The following BRINP1 variants were observed in gnomAD, a reference collection of about 807,000 sequenced individuals.
The protein encoded by BRINP1 is BMP/retinoic acid-inducible neural-specific protein 1.
In BRINP1, 17 loss-of-function variants were observed where a neutral mutation model predicts 72.9. That is an observed-to-expected ratio of 0.23 (90% CI 0.16 to 0.35). BRINP1 has a LOEUF of 0.35. Among genes scored for constraint, BRINP1 ranks in the 10% least tolerant of loss-of-function variants. The pLI, the probability that BRINP1 is intolerant of heterozygous loss-of-function variation, is 1.00. For synonymous variants in BRINP1, 418 were observed against 378.5 expected, an observed-to-expected ratio of 1.10 and a Z score of -1.21; for missense variants, 850 against 1,001.6, an observed-to-expected ratio of 0.85 and a Z score of 2.04.
intron 5 of BRINP1, among the ~76,000 whole-genome samples, chr9:119,222,711 A>G (rs1830051999): frequency 6.6e-6 from 1 of 152,106 alleles, no homozygotes; most frequent in African/African-American, 2.4e-5. Context: ...ATAAAAATAG[A>G]AAGGATTTAT....
chr9:119,357,262 T>C (rs1056993971), intron 1 of BRINP1, among the ~76,000 whole-genome samples: 1 of 152,222 alleles, frequency 6.6e-6, no homozygotes, highest in Admixed American at 6.5e-5. Flanking sequence ...TGCATGTGTG[T>C]GTGTGTGTAT....
intron 2 of BRINP1, among the ~76,000 whole-genome samples, chr9:119,252,037 CTCTG>C (rs1245260068): frequency 6.6e-6 from 1 of 152,148 alleles, no homozygotes; most frequent in Non-Finnish European, 1.5e-5. Flanking sequence ...TCTGTTCCCT[CTCTG>C]TTTCTTGCAT....
chr9:119,331,780 G>A (rs540387694), intron 1 of BRINP1, among the ~76,000 whole-genome samples: 1 of 152,284 alleles, frequency 6.6e-6, no homozygotes, highest in South Asian at 2.1e-4. Context: ...ACTATCTGAG[G>A]TTTCACGAAG....
intron 7 of BRINP1, among the ~76,000 whole-genome samples, chr9:119,178,205 C>T (rs1829510500): frequency 6.6e-6 from 1 of 152,076 alleles, no homozygotes; most frequent in African/African-American, 2.4e-5. Context: ...TGGGAAAGAG[C>T]CCAGGCGGGG....
At chr9:119,343,676 C>T in intron 1 of BRINP1, among the ~76,000 whole-genome samples, 1 of 152,064 alleles carries the variant, frequency 6.6e-6, no homozygotes, top group East Asian at 1.9e-4. Context: ...CACTCAGTCC[C>T]CAATAAGTAA....
At chr9:119,195,036 C>A (rs1199772420) in intron 7 of BRINP1, among the ~76,000 whole-genome samples, 1 of 152,110 alleles carries the variant, frequency 6.6e-6, no homozygotes, top group Non-Finnish European at 1.5e-5. Flanking sequence ...TTTTAAGTTT[C>A]TTTCAGGTAC....
chr9:119,180,288 C>A (rs1400238162), intron 7 of BRINP1, among the ~76,000 whole-genome samples: 2 of 152,178 alleles, frequency 1.3e-5, no homozygotes, highest in African/African-American at 4.8e-5. Flanking sequence ...CTGCATTATT[C>A]TTTTATTTAT....
intron 1 of BRINP1, among the ~76,000 whole-genome samples, chr9:119,340,342 A>G (rs989305073): frequency 1.3e-5 from 2 of 152,096 alleles, no homozygotes; most frequent in Admixed American, 1.3e-4. Flanking sequence ...AGTAAAGTTA[A>G]GTTAATTGGC....
intron 2 of BRINP1, among the ~76,000 whole-genome samples, chr9:119,255,069 A>T (rs1049948524): frequency 1.3e-5 from 2 of 152,238 alleles, no homozygotes; most frequent in African/African-American, 4.8e-5. Context: ...TTCCATTGCA[A>T]CATGCCACCT....
chr9:119,365,732 G>A lies in BRINP1; in HGVS notation c.-51+3324C>T, dbSNP rs561849609. ...TTTTACAATTCTTGCCTGTACCAGC[G>A]GCAAAGATACTCATTGCAGCCTGAG... On this transcript the variant is annotated intron_variant, in intron 1 of 7. Transcript: ENST00000265922. 1.7e-4 allele frequency among the ~76,000 whole-genome samples: 26 copies of A among 152,076 alleles called. No individual in the cohort carries two copies. The South Asian group carries it at 2.5e-3, about 15-fold the overall frequency.
intron 5 of BRINP1, among the ~76,000 whole-genome samples, chr9:119,226,184 G>T (rs1331416786): frequency 6.6e-6 from 1 of 152,016 alleles, no homozygotes; most frequent in African/African-American, 2.4e-5. Flanking sequence ...AAGGTAAGTT[G>T]TTAGGAAGAA....
At chr9:119,238,127 T>C (rs1171045955) in intron 5 of BRINP1, among the ~76,000 whole-genome samples, 1 of 152,184 alleles carries the variant, frequency 6.6e-6, no homozygotes, top group Non-Finnish European at 1.5e-5. Context: ...ATTCACTTAG[T>C]CTTCACATGT....
intron 1 of BRINP1, among the ~76,000 whole-genome samples, chr9:119,358,976 C>A (rs529051976): frequency 6.6e-6 from 1 of 152,272 alleles, no homozygotes; most frequent in African/African-American, 2.4e-5. Context: ...GAAGGCAGTG[C>A]CTTGAACCTA....
chr9:119,352,477 A>C (rs1176696056), intron 1 of BRINP1, among the ~76,000 whole-genome samples: 3 of 152,084 alleles, frequency 2.0e-5, no homozygotes, highest in African/African-American at 4.8e-5. Flanking sequence ...TTTGTCACCC[A>C]GGCTGGAGTG....
chr9:119,218,133 G>A (rs1450312761), intron 5 of BRINP1, among the ~76,000 whole-genome samples: 1 of 151,796 alleles, frequency 6.6e-6, no homozygotes, highest in Non-Finnish European at 1.5e-5. Context: ...TGCCCTCTAA[G>A]GGCCCCCAGA....
intron 1 of BRINP1, among the ~76,000 whole-genome samples, chr9:119,335,550 T>C (rs1831338387): frequency 1.3e-5 from 2 of 152,170 alleles, no homozygotes; most frequent in African/African-American, 2.4e-5. Context: ...AATGAACACC[T>C]ACCCAATATC....
At chr9:119,346,073 A>G (rs1313492482) in intron 1 of BRINP1, among the ~76,000 whole-genome samples, 1 of 152,180 alleles carries the variant, frequency 6.6e-6, no homozygotes, top group African/African-American at 2.4e-5. Flanking sequence ...TAGGATTTAT[A>G]TCACATTAAA....
chr9:119,208,988 C>A (rs1829890030), intron 6 of BRINP1, 47 bp from the exon 7 acceptor site: 6 of 1,518,776 alleles, frequency 4.0e-6, no homozygotes, highest in Non-Finnish European at 2.7e-6. Flanking sequence ...CATGATAACA[C>A]CCATCTAAAG....
intron 2 of BRINP1, 53 bp from the exon 3 acceptor site, chr9:119,249,203 C>A: frequency 2.0e-6 from 3 of 1,535,250 alleles, no homozygotes; most frequent in Non-Finnish European, 1.8e-6. Context: ...TACCCTTAAG[C>A]CAAAGTCCAC....
Sources: allele counts gnomAD v4.1 joint callset (sites outside exome capture counted in the v4.1 genomes callset), GRCh38; gene constraint gnomAD v4.1.1; transcripts MANE v1.5; gene names NCBI Gene and HGNC (gene_info 2026-07-23, HGNC 2026-07-21).